CDH18: variants seen among roughly 807,000 people sequenced by gnomAD.
The protein encoded by CDH18 is cadherin-18.
Under a neutral mutation model 67.9 loss-of-function variants are expected in CDH18, and 31 were observed. The ratio of observed to expected loss-of-function variants is 0.46; its 90% CI spans 0.34 to 0.62. The LOEUF is 0.62. Among genes scored for constraint, CDH18 ranks in the 20% least tolerant of loss-of-function variants. The pLI is 0.01. For synonymous variants in CDH18, 362 were observed against 347.2 expected (o/e 1.04, Z -0.48); for missense variants, 890 against 975.5 (o/e 0.91, Z 1.17).
intron 1 of CDH18, among the ~76,000 whole-genome samples, chr5:20,283,900 G>A (rs1746481161): frequency 6.6e-6 from 1 of 151,996 alleles, no homozygotes; most frequent in African/African-American, 2.4e-5. Context: ...ATACACAGTG[G>A]GGCACTATTT....
intron 5 of CDH18, among the ~76,000 whole-genome samples, chr5:19,644,573 T>G (rs1754467669): frequency 6.6e-6 from 1 of 152,178 alleles, no homozygotes; most frequent in Non-Finnish European, 1.5e-5. Context: ...TTTCTGACAA[T>G]GTGGGTCATA....
intron 1 of CDH18, among the ~76,000 whole-genome samples, chr5:20,284,765 CATCA>C (rs1746555917): frequency 2.6e-5 from 4 of 151,754 alleles, no homozygotes; most frequent in Non-Finnish European, 4.4e-5. Flanking sequence ...TGGATTCAAT[CATCA>C]GAGACAAATT....
chr5:20,472,583 A>G (rs1035467704), intron 1 of CDH18, among the ~76,000 whole-genome samples: 3 of 152,220 alleles, frequency 2.0e-5, no homozygotes, highest in African/African-American at 4.8e-5. Flanking sequence ...CAATGAAAAG[A>G]TTTAAGTTAA....
chr5:19,595,438 A>G (rs998260081), intron 6 of CDH18, among the ~76,000 whole-genome samples: 1 of 152,196 alleles, frequency 6.6e-6, no homozygotes, highest in African/African-American at 2.4e-5. Flanking sequence ...AGCCTGACCA[A>G]CATGGTGAAA....
At chr5:20,212,180 A>G (rs1336922959) in intron 2 of CDH18, among the ~76,000 whole-genome samples, 1 of 152,184 alleles carries the variant, frequency 6.6e-6, no homozygotes, top group East Asian at 1.9e-4. Flanking sequence ...AAAGGGTATC[A>G]GTGATTGAAG....
chr5:19,639,192 C>T (rs555505158), intron 5 of CDH18, among the ~76,000 whole-genome samples: 42 of 151,794 alleles, frequency 2.8e-4, no homozygotes, highest in African/African-American at 9.2e-4. Flanking sequence ...TTAGTAGAGA[C>T]GGGGTTTCAC....
intron 3 of CDH18, among the ~76,000 whole-genome samples, chr5:19,821,060 C>T (rs763788771): frequency 1.3e-5 from 2 of 152,106 alleles, no homozygotes; most frequent in Non-Finnish European, 2.9e-5. Context: ...TACTCTCTTA[C>T]CTACGAAGAC....
At chr5:20,031,872 C>T (rs917210642) in intron 2 of CDH18, among the ~76,000 whole-genome samples, 9 of 151,884 alleles carry the variant, frequency 5.9e-5, no homozygotes, top group Admixed American at 2.0e-4. Context: ...GAAAATTCAC[C>T]TTCTATCTGA....
At chr5:19,777,179 C>T (rs1311032055) in intron 3 of CDH18, among the ~76,000 whole-genome samples, 1 of 152,132 alleles carries the variant, frequency 6.6e-6, no homozygotes, top group East Asian at 1.9e-4. Context: ...ATGCAGGAGC[C>T]TGAGGCACAA....
At chr5:20,423,946 C>CAAAAAAAAAAAAAAAAA (rs553723574) in intron 1 of CDH18, among the ~76,000 whole-genome samples, 2 of 63,824 alleles carry the variant, frequency 3.1e-5, no homozygotes, top group African/African-American at 1.8e-4. Context: ...GACTCCGTCT[C>CAAAAAAAAAAAAAAAAA]AAAAAAAAAA....
intron 3 of CDH18, among the ~76,000 whole-genome samples, chr5:19,759,740 A>C (rs1020648714): frequency 6.6e-6 from 1 of 152,128 alleles, no homozygotes; most frequent in Non-Finnish European, 1.5e-5. Context: ...AAAAGGCTGG[A>C]GGCCTCCTTG....
intron 11 of CDH18, among the ~76,000 whole-genome samples, chr5:19,485,008 T>C (rs1191068787): frequency 8.2e-6 from 1 of 121,628 alleles, no homozygotes; most frequent in Non-Finnish European, 1.7e-5. Flanking sequence ...TGTAGGTATG[T>C]TTATAACAGT....
At chr5:20,449,159 C>A (rs971460277) in intron 1 of CDH18, among the ~76,000 whole-genome samples, 1 of 152,144 alleles carries the variant, frequency 6.6e-6, no homozygotes, top group African/African-American at 2.4e-5. Flanking sequence ...TCCAATCATA[C>A]TTTTCCTACA....
intron 1 of CDH18, among the ~76,000 whole-genome samples, chr5:20,414,125 G>C (rs1235132574): frequency 6.6e-6 from 1 of 152,174 alleles, no homozygotes; most frequent in Non-Finnish European, 1.5e-5. Flanking sequence ...CCTGTGGAAA[G>C]CAGTTTGGAA....
chr5:19,503,672 G>T (rs143318134), intron 10 of CDH18, among the ~76,000 whole-genome samples: 180 of 152,122 alleles, frequency 1.2e-3, no homozygotes, highest in African/African-American at 4.2e-3. Flanking sequence ...GGCTAAACAA[G>T]ACCTTCCGTG....
chr5:20,536,246 T>C (rs990164551), intron 1 of CDH18, among the ~76,000 whole-genome samples: 1 of 152,132 alleles, frequency 6.6e-6, no homozygotes, highest in African/African-American at 2.4e-5. Context: ...GTGAATTTTT[T>C]ATCGATTATA....
At chr5:19,530,471 T>A (rs2126974560) in intron 9 of CDH18, among the ~76,000 whole-genome samples, 1 of 152,304 alleles carries the variant, frequency 6.6e-6, no homozygotes, top group African/African-American at 2.4e-5. Context: ...TTAGTGTACA[T>A]GTGCACAATG....
chr5:20,467,671 GAATGAATC>G (rs1171075993), intron 1 of CDH18, among the ~76,000 whole-genome samples: 1 of 152,146 alleles, frequency 6.6e-6, no homozygotes, highest in African/African-American at 2.4e-5. Flanking sequence ...CATATTTATT[GAATGAATC>G]AATGAATCAA....
chr5:19,873,922 A>T (rs1215250923), intron 2 of CDH18, among the ~76,000 whole-genome samples: 2 of 152,134 alleles, frequency 1.3e-5, no homozygotes, highest in Non-Finnish European at 2.9e-5. Context: ...TGCTGGGATT[A>T]CAGGCATGAG....
Sources: gnomAD v4.1 joint callset for allele counts (sites outside exome capture counted in the v4.1 genomes callset) on GRCh38, gnomAD v4.1.1 for gene constraint, MANE v1.5 for transcripts, NCBI Gene and HGNC (gene_info 2026-07-23, HGNC 2026-07-21) for gene names.